Variants in MINK1 observed in about 807,000 individuals in gnomAD.
MINK1 encodes the protein misshapen like kinase 1.
A neutral mutation model predicts 178.4 loss-of-function variants in MINK1; 46 were observed. That is an observed-to-expected ratio of 0.26 (90% CI 0.20 to 0.33). MINK1 has a LOEUF of 0.33. MINK1 is among the 10% of genes least tolerant of loss of function. The probability of loss-of-function intolerance (pLI) is 1.00; values close to 1 mark genes in which losing one functional copy is unlikely to be tolerated. For synonymous variants in MINK1, 797 were observed against 709.7 expected, an observed-to-expected ratio of 1.12 and a Z score of -1.96; for missense variants, 1,366 against 1,814.9, an observed-to-expected ratio of 0.75 and a Z score of 4.49.
intron 31 of MINK1, 76 bp from the exon 32 acceptor site, chr17:4,897,121 CCCTTCTT>C: frequency 8.5e-7 from 1 of 1,176,768 alleles, no homozygotes; most frequent in Non-Finnish European, 1.2e-6. Context: ...CTTCTGCCAC[CCCTTCTT>C]CCCTTCTTTC....
Position 4,896,411 on chromosome 17 carries a change from C to G in MINK1, c.3616-18C>G, listed in dbSNP as rs1344725735. On this transcript the variant is annotated intron_variant, in intron 29 of 31. Coordinates refer to ENST00000355280, the MANE Select transcript of MINK1 (RefSeq NM_153827.5). This position sits in a 1 kb window ranked among gnomAD's most constrained non-coding sequence, Gnocchi z 4.6. ...GGGCACCAGACACGGAGACTCTAGT[C>G]CCCCTCCTTCTCCCCAGATCCAGAG... 1 of 1,612,964 alleles carries G rather than the reference C, an allele frequency of 6.2e-7. No individual in the cohort carries two copies. Among genetic ancestry groups the G allele is most frequent in the Non-Finnish European group, 8.5e-7 (1 of 1,179,330 alleles).
intron 15 of MINK1, 76 bp downstream of exon 15, chr17:4,891,200 G>GCACACACACACACACA (rs3081308): frequency 2.4e-5 from 24 of 1,004,110 alleles, no homozygotes; most frequent in Middle Eastern, 3.4e-4. Context: ...ACACACGCGC[G>GCACACACACACACACA]CACACACACA....
intron 5 of MINK1, 66 bp from the exon 6 acceptor site, chr17:4,884,846 C>T: frequency 7.1e-7 from 1 of 1,407,892 alleles, no homozygotes; most frequent in South Asian, 1.2e-5. Flanking sequence ...CCTCAACTCA[C>T]TCCCCACTTA....
Position 4,886,140 on chromosome 17 carries a change from A to T in MINK1, c.715A>T (p.Met239Leu). 6.2e-7 allele frequency: 1 copy of T among 1,613,930 alleles called. No homozygotes were observed. The highest frequency in any genetic ancestry group is 8.5e-7 in the Non-Finnish European group (1 of 1,179,852). Residue 239 changes from methionine to leucine, a missense_variant, in exon 9 of 32, where the codon ATG (methionine) becomes TTG (leucine). Met to Leu is a conservative substitution (Grantham distance 15). Around this residue, in one of 14 missense-constraint regions of MINK1, gnomAD observed 109 missense variants for 369.4 expected, o/e 0.30. Coordinates refer to ENST00000355280, the MANE Select transcript of MINK1 (RefSeq NM_153827.5). This position sits in a 1 kb window ranked among gnomAD's most constrained non-coding sequence, Gnocchi z 6.1. ...TCCAGCTCTGTGTGACATGCACCCC[A>T]TGCGAGCCCTCTTCCTCATTCCTCG... ...GAPPLCDMHP[M>L]RALFLIPRNP...
Position 4,894,511 on chromosome 17 carries a change from TC to T in MINK1, c.2809-9del. 1 of 1,580,514 alleles carries T rather than the reference TC, an allele frequency of 6.3e-7. No homozygotes were observed. The highest frequency in any genetic ancestry group is 8.6e-7 in the Non-Finnish European group (1 of 1,162,070). On this transcript the variant is annotated splice_polypyrimidine_tract_variant and intron_variant, in intron 23 of 31. Coordinates refer to ENST00000355280, the MANE Select transcript of MINK1 (RefSeq NM_153827.5). This position sits in a 1 kb window ranked among gnomAD's most constrained non-coding sequence, Gnocchi z 4.1. ...CTTGCACTTGTTTGCCTGACTGCTG[TC>T]CCCCTACCACAGTACCAGTCTCGTG...
Position 4,896,411 on chromosome 17 carries a change from C to A in MINK1, c.3616-18C>A. ...GGGCACCAGACACGGAGACTCTAGTCCCCCTCCTTCTCCCCAGATCCAGAG... is the reference window on the plus strand; with the variant it reads ...GGGCACCAGACACGGAGACTCTAGTACCCCTCCTTCTCCCCAGATCCAGAG... On this transcript the variant is annotated intron_variant, in intron 29 of 31. Transcript: ENST00000355280. The surrounding 1 kb of genome is among the most constrained non-coding windows in gnomAD (Gnocchi z 4.6). The A allele has an allele frequency of 6.2e-7, 1 of 1,612,962 alleles. No individual in the cohort carries two copies.
intron 1 of MINK1, among the ~76,000 whole-genome samples, chr17:4,869,340 G>A (rs1164209703): frequency 2.0e-5 from 3 of 151,546 alleles, no homozygotes; most frequent in Non-Finnish European, 2.9e-5. Context: ...GCAATGGCAC[G>A]ATCTCGGCTC....
At chr17:4,874,971 A>T in intron 1 of MINK1, 1 of 492,356 alleles carries the variant, frequency 2.0e-6, no homozygotes, top group Non-Finnish European at 4.1e-6. Flanking sequence ...TATGGCTCTA[A>T]CAGGCCCACG....
chr17:4,890,398 C>T (rs1968670206), intron 13 of MINK1, 119 bp from the exon 14 acceptor site: 2 of 1,464,148 alleles, frequency 1.4e-6, no homozygotes, highest in Non-Finnish European at 1.8e-6. Context: ...AAGGGATTCA[C>T]CCAGGACATC....
Position 4,895,740 on chromosome 17 carries a change from G to A in MINK1, c.3272G>A (p.Arg1091Gln). The change falls in exon 27 of 32, where the codon CGG becomes CAG. Residue 1091 changes from arginine to glutamine, a missense_variant. Coordinates refer to ENST00000355280, the MANE Select transcript of MINK1 (RefSeq NM_153827.5). This position sits in a 1 kb window ranked among gnomAD's most constrained non-coding sequence, Gnocchi z 4.3. ...CGGGTGTATTACCTGTCCTGGCTCCGGAACAAGATTCTGCACAATGACCCA... is the reference window on the plus strand; with the variant it reads ...CGGGTGTATTACCTGTCCTGGCTCCAGAACAAGATTCTGCACAATGACCCA... ...KLRVYYLSWL[R>Q]NKILHNDPEV... 1.2e-6 allele frequency: 2 copies of A among 1,613,708 alleles called. No individual in the cohort carries two copies. Among genetic ancestry groups the A allele is most frequent in the Non-Finnish European group, 1.7e-6 (2 of 1,179,774 alleles).
chr17:4,891,811 A>C (rs1224403557), intron 16 of MINK1, 95 bp downstream of exon 16: 2 of 1,446,004 alleles, frequency 1.4e-6, no homozygotes, highest in African/African-American at 2.8e-5. Flanking sequence ...GGAAGAGTGC[A>C]GGGCGGGAAG....
intron 1 of MINK1, chr17:4,844,697 G>A (rs1452570187): frequency 2.8e-6 from 1 of 357,074 alleles, no homozygotes; most frequent in Non-Finnish European, 5.4e-6. Flanking sequence ...GTAGATCACT[G>A]TGATGATGAA....
chr17:4,857,760 G>A (rs1443954345), intron 1 of MINK1, among the ~76,000 whole-genome samples: 1 of 151,950 alleles, frequency 6.6e-6, no homozygotes, highest in East Asian at 1.9e-4. Context: ...GAGCCACCGC[G>A]CCCAGCCAAG....
Position 4,878,387 on chromosome 17 carries a change from G to A in MINK1, c.123+5G>A. The A allele has an allele frequency of 6.5e-7, 1 of 1,536,466 alleles. No individual in the cohort carries two copies. The highest frequency in any genetic ancestry group is 8.7e-7 in the Non-Finnish European group (1 of 1,146,328). On this transcript the variant is annotated splice_donor_5th_base_variant and intron_variant, in intron 2 of 31. Coordinates refer to ENST00000355280, the MANE Select transcript of MINK1 (RefSeq NM_153827.5). ...ACCTACGGACAGGTGTACAAGGTGA[G>A]ACGAATGGTGTGGAAGTATGACCTC...
rs563177878 is a variant in MINK1 at position 4,895,959 on chromosome 17, G to C, written c.3365-44G>C. 5.1e-6 allele frequency: 8 copies of C among 1,569,602 alleles called. No homozygotes were observed. In the Admixed American group the frequency reaches 7.6e-5, roughly 15 times the overall value. Reference sequence around the variant, plus strand: ...CAGACCACGGGGAGGCGCCCGTGGCGCAAGAAGGGAAGTCTCAGCATCCCT... The same window carrying C: ...CAGACCACGGGGAGGCGCCCGTGGCCCAAGAAGGGAAGTCTCAGCATCCCT... On this transcript the variant is annotated intron_variant, in intron 27 of 31. Transcript: ENST00000355280. This position sits in a 1 kb window ranked among gnomAD's most constrained non-coding sequence, Gnocchi z 4.3.
chr17:4,841,172 G>A (rs531300794), intron 1 of MINK1, among the ~76,000 whole-genome samples: 31 of 152,270 alleles, frequency 2.0e-4, no homozygotes, highest in Non-Finnish European at 3.8e-4. Context: ...GTATGTACAC[G>A]TAGCACCAAA....
Position 4,891,039 on chromosome 17 carries a change from C to G in MINK1, c.1655C>G (p.Pro552Arg), listed in dbSNP as rs1240848806. The G allele has an allele frequency of 5.8e-6, 9 of 1,555,136 alleles. No homozygotes were observed. The highest frequency in any genetic ancestry group is 7.0e-6 in the Non-Finnish European group (8 of 1,149,614). ...AGCACGGGGCCTGAGCCCCCCATCC[C>G]CCAGGCCTCCCCAGGGCCCCCAGGA... ...PGSTGPEPPI[P>R]QASPGPPGPL... Residue 552 changes from proline (P) to arginine (R), a missense_variant, in exon 15 of 32, where the codon CCC becomes CGC. This residue lies in a region of MINK1 where 709 missense variants were observed against 692.3 expected (regional missense o/e 1.02). Transcript: ENST00000355280.
At position 4,889,656 on chromosome 17, in the gene MINK1, C is replaced by T. The variant is rs1968570796; in HGVS notation, c.1240C>T (p.Arg414Trp). 2.6e-6 allele frequency: 4 copies of T among 1,566,266 alleles called. No individual in the cohort carries two copies. Among genetic ancestry groups the T allele is most frequent in the Admixed American group, 1.9e-5 (1 of 53,330 alleles). The stretch of plus-strand genomic sequence containing the variant: ...CTGGCTCTCCCCACAGCAACAGCGG[C>T]GGGAGCGGGAGCAGCGGAAGCTGCA... ...ERRRVEEQQRREREQRKLQEK... is the reference protein window; with the variant it reads ...ERRRVEEQQRWEREQRKLQEK... The change falls in exon 13 of 32, where the codon CGG becomes TGG. Residue 414 changes from arginine to tryptophan, a missense_variant. Physicochemically the swap from Arg to Trp is moderately radical, Grantham distance 101. Coordinates refer to ENST00000355280, the MANE Select transcript of MINK1 (RefSeq NM_153827.5).
intron 1 of MINK1, among the ~76,000 whole-genome samples, chr17:4,861,369 G>A (rs1424329973): frequency 6.6e-6 from 1 of 152,164 alleles, no homozygotes; most frequent in Admixed American, 6.6e-5. Context: ...ACAACGCAGG[G>A]CACAGTGCCA....
Sources: allele counts gnomAD v4.1 joint callset (sites outside exome capture counted in the v4.1 genomes callset), GRCh38; gene constraint gnomAD v4.1.1; regional missense constraint gnomAD v4.1.1; non-coding constraint Gnocchi (gnomAD v3.1); transcripts MANE v1.5; gene names NCBI Gene and HGNC (gene_info 2026-07-23, HGNC 2026-07-21).